Variants in ADAT2 observed in about 807,000 individuals in gnomAD.
ADAT2 encodes the protein adenosine deaminase tRNA specific 2, also known as tRNA-specific adenosine-34 deaminase catalytic subunit ADAT2.
In ADAT2, 26 loss-of-function variants were observed where a neutral mutation model predicts 25.9. The ratio of observed to expected loss-of-function variants is 1.00; its 90% CI spans 0.74 to 1.39. The LOEUF (loss-of-function observed/expected upper bound fraction) is 1.39, where lower values mean the gene tolerates loss of function less well. Among genes scored for constraint, ADAT2 ranks in the 40% most tolerant of loss-of-function variants. The probability of loss-of-function intolerance (pLI) is 0.00; values close to 1 mark genes in which losing one functional copy is unlikely to be tolerated. For synonymous variants in ADAT2, 76 were observed against 86.8 expected, an observed-to-expected ratio of 0.88 and a Z score of 0.69; for missense variants, 220 against 244.8, an observed-to-expected ratio of 0.90 and a Z score of 0.68.
At position 143,433,862 on chromosome 6, in the gene ADAT2, G is replaced by T; in HGVS notation, c.321C>A (p.Cys107Ter). The T allele has an allele frequency of 6.2e-7, 1 of 1,614,040 alleles. No homozygotes were observed. Among genetic ancestry groups the T allele is most frequent in the Non-Finnish European group, 8.5e-7 (1 of 1,180,004 alleles). ...GGCGGAGAGCAGCTGCACACATAAT[G>T]CACGGCTCCACAGTGACATACAACA... is the stretch of plus-strand genomic sequence containing the variant. ...HTVLYVTVEP[C>*]IMCAAALRLM... The change falls in exon 3 of 6, where the codon TGC becomes TGA. Residue 107 changes from cysteine (C) to a stop codon, truncating the protein, a stop_gained. Coordinates refer to ENST00000237283, the MANE Select transcript of ADAT2 (RefSeq NM_182503.3). LOFTEE classifies it high-confidence loss of function.
chr6:143,431,481 A>T (rs181002822), intron 4 of ADAT2, among the ~76,000 whole-genome samples: 1 of 152,376 alleles, frequency 6.6e-6, no homozygotes, highest in East Asian at 1.9e-4. Flanking sequence ...GGAAAAATCA[A>T]ATCACTTTCT....
chr6:143,427,938 A>C lies in ADAT2; in HGVS notation c.*525T>G, dbSNP rs1215895753. 1 of 152,588 alleles carries C rather than the reference A, an allele frequency of 6.6e-6. No individual in the cohort carries two copies. Among genetic ancestry groups the C allele is most frequent in the South Asian group, 2.1e-4 (1 of 4,836 alleles). 9.5% of individuals were successfully genotyped at this position (152,588 alleles called of 1,614,324 possible). The stretch of plus-strand genomic sequence containing the variant: ...CTTTATAAAAGCAAAGTCTTTTCTA[A>C]GGACCATATAATTATGGTCTCTATA... On this transcript the variant is annotated 3_prime_UTR_variant, in exon 6 of 6. Transcript: ENST00000237283.
Position 143,427,774 on chromosome 6 carries a change from T to C in ADAT2, c.*689A>G, listed in dbSNP as rs981130905. On this transcript the variant is annotated 3_prime_UTR_variant, in exon 6 of 6. Coordinates refer to ENST00000237283, the MANE Select transcript of ADAT2 (RefSeq NM_182503.3). ...AATTTGGTTTTTTGCTCAATAACAA[T>C]TGTCCCATTTATGTCTTTATCTTTT... 7.2e-5 allele frequency: 11 copies of C among 152,200 alleles called. No homozygotes were observed. Among genetic ancestry groups the C allele is most frequent in the Admixed American group, 6.5e-4 (10 of 15,274 alleles). 9.4% of individuals were successfully genotyped at this position (152,200 alleles called of 1,614,324 possible).
rs1323979049 is a variant in ADAT2, at chr6:143,427,567, T to A, written c.*896A>T. 6.6e-6 allele frequency: 1 copy of A among 152,258 alleles called. No individual in the cohort carries two copies. Among genetic ancestry groups the A allele is most frequent in the Non-Finnish European group, 1.5e-5 (1 of 68,040 alleles). 9.4% of individuals were successfully genotyped at this position (152,258 alleles called of 1,614,324 possible). Reference sequence around the variant, plus strand: ...ATGGATTATAAAAGAAATAACCATTTGTTTCAGATTAAATTGATCATTCTA... The same window carrying A: ...ATGGATTATAAAAGAAATAACCATTAGTTTCAGATTAAATTGATCATTCTA... On this transcript the variant is annotated 3_prime_UTR_variant, in exon 6 of 6. Transcript: ENST00000237283.
intron 3 of ADAT2, 31 bp downstream of exon 3, chr6:143,433,800 C>T (rs377428375): frequency 1.7e-5 from 27 of 1,607,534 alleles, no homozygotes; most frequent in South Asian, 7.7e-5. Context: ...ACGAATGGTA[C>T]GATACATTAA....
chr6:143,445,728 G>C (rs577968817), intron 1 of ADAT2, among the ~76,000 whole-genome samples: 17 of 152,198 alleles, frequency 1.1e-4, no homozygotes, highest in South Asian at 4.1e-4. Flanking sequence ...GCAAGCACTA[G>C]ATCCAGGCAC....
intron 1 of ADAT2, among the ~76,000 whole-genome samples, chr6:143,443,072 T>C (rs932174262): frequency 6.6e-6 from 1 of 152,206 alleles, no homozygotes; most frequent in East Asian, 1.9e-4. Flanking sequence ...AAGCATTTTA[T>C]AAGTATTAAT....
In ADAT2 at chr6:143,436,419, GA is replaced by G; in HGVS notation, c.201+2170del. 3.7e-6 allele frequency: 1 copy of G among 273,710 alleles called. No individual in the cohort carries two copies. Among genetic ancestry groups the G allele is most frequent in the South Asian group, 4.3e-5 (1 of 23,068 alleles). The allele number at this position is 273,710 out of a possible 1,614,324, so 17.0% of individuals were successfully genotyped here. On this transcript the variant is annotated intron_variant, in intron 2 of 5. Transcript: ENST00000237283. The surrounding 1 kb of genome is among the most constrained non-coding windows in gnomAD (Gnocchi z 4.1). ...TTGCTGACTGGATCCCCTACAATGG[GA>G]AAACAGCTTTCTGGGACATCCCATC...
intron 1 of ADAT2, chr6:143,449,820 T>C (rs1361898500): frequency 6.6e-6 from 1 of 152,240 alleles, no homozygotes; most frequent in Non-Finnish European, 1.5e-5. Flanking sequence ...TCTACCTCCA[T>C]ACCACCCTGA....
At position 143,442,764 on chromosome 6, in the gene ADAT2, G is replaced by A. The variant is rs531039221; in HGVS notation, c.97-4070C>T. On this transcript the variant is annotated intron_variant, in intron 1 of 5. Coordinates refer to ENST00000237283, the MANE Select transcript of ADAT2 (RefSeq NM_182503.3). The surrounding 1 kb of genome is among the most constrained non-coding windows in gnomAD (Gnocchi z 4.6). ...TAAAAAGAGATGTTTAGTGAGTTTA[G>A]AGAAATATTTGGTGTTACGGACAAT... Among the ~76,000 whole-genome samples, 1 of 152,334 alleles carries A rather than the reference G, an allele frequency of 6.6e-6. No homozygotes were observed. The highest frequency in any genetic ancestry group is 1.9e-4 in the East Asian group (1 of 5,190).
rs763632407 is a variant in ADAT2 at position 143,433,884 on chromosome 6, AAC to A, written c.297_298del (p.Leu100ValfsTer29). On this transcript the variant is annotated frameshift_variant, in exon 3 of 6. Coordinates refer to ENST00000237283, the MANE Select transcript of ADAT2 (RefSeq NM_182503.3). LOFTEE classifies it high-confidence loss of function. ...AATGCACGGCTCCACAGTGACATAC[AAC>A]ACAGTGTGTTCAAATACTTCAGAGG... 36 of 1,614,030 alleles carry A rather than the reference AAC, an allele frequency of 2.2e-5. No homozygotes were observed. The highest frequency in any genetic ancestry group is 3.1e-5 in the Non-Finnish European group (36 of 1,180,022).
At position 143,428,694 on chromosome 6, in the gene ADAT2, T is replaced by G; in HGVS notation, c.460-10A>C. 4 of 1,613,012 alleles carry G rather than the reference T, an allele frequency of 2.5e-6. No homozygotes were observed. Among genetic ancestry groups the G allele is most frequent in the Non-Finnish European group, 2.5e-6 (3 of 1,179,324 alleles). On this transcript the variant is annotated splice_polypyrimidine_tract_variant and intron_variant, in intron 4 of 5. Transcript: ENST00000237283. The surrounding 1 kb of genome is among the most constrained non-coding windows in gnomAD (Gnocchi z 5.0). ...GATATCCAGGGATACACTGATGGAATGAGAAAGTTGAGAATAAACATAGGC... is the reference window on the plus strand; with the variant it reads ...GATATCCAGGGATACACTGATGGAAGGAGAAAGTTGAGAATAAACATAGGC...
rs1304320886 is a variant in ADAT2, at chr6:143,425,355, A to G, written c.*3108T>C. On this transcript the variant is annotated 3_prime_UTR_variant, in exon 6 of 6. Transcript: ENST00000237283. The stretch of plus-strand genomic sequence containing the variant: ...CATAGTGAGACCTTGTCTCTACAAA[A>G]AAAAAAAAAAAAAAAAATTAGGTGT... 2 of 155,568 alleles carry G rather than the reference A, an allele frequency of 1.3e-5. No homozygotes were observed. The highest frequency in any genetic ancestry group is 2.4e-5 in the African/African-American group (1 of 40,970). 9.6% of individuals were successfully genotyped at this position (155,568 alleles called of 1,614,324 possible). A position where few individuals can be genotyped will look rare whatever the true frequency, so the allele number is the denominator to read the frequency against.
Position 143,425,447 on chromosome 6 carries a change from G to A in ADAT2, c.*3016C>T, listed in dbSNP as rs1196150612. ...GAGGAAGGATTGCTTGAGCCAGGTT[G>A]AGGCTGCAGTGAGCTGTGATCATGC... is the stretch of plus-strand genomic sequence containing the variant. On this transcript the variant is annotated 3_prime_UTR_variant, in exon 6 of 6. Transcript: ENST00000237283. 6.6e-6 allele frequency: 1 copy of A among 150,914 alleles called. No homozygotes were observed. Among genetic ancestry groups the A allele is most frequent in the African/African-American group, 2.5e-5 (1 of 40,726 alleles). 9.3% of individuals were successfully genotyped at this position (150,914 alleles called of 1,614,324 possible). A position where few individuals can be genotyped will look rare whatever the true frequency, so the allele number is the denominator to read the frequency against.
Position 143,432,481 on chromosome 6 carries a change from A to G in ADAT2, c.459+24T>C. 6.3e-7 allele frequency: 1 copy of G among 1,595,918 alleles called. No individual in the cohort carries two copies. The highest frequency in any genetic ancestry group is 8.6e-7 in the Non-Finnish European group (1 of 1,163,470). ...AGATGAAAATAATTAGCAAGAAAGA[A>G]AAAGCATAAGCAGTTTGTATTACCT... On this transcript the variant is annotated intron_variant, in intron 4 of 5. Coordinates refer to ENST00000237283, the MANE Select transcript of ADAT2 (RefSeq NM_182503.3). The surrounding 1 kb of genome is among the most constrained non-coding windows in gnomAD (Gnocchi z 4.4).
chr6:143,443,674 T>C (rs1002421850), intron 1 of ADAT2, among the ~76,000 whole-genome samples: 5 of 151,686 alleles, frequency 3.3e-5, no homozygotes, highest in Non-Finnish European at 4.4e-5. Flanking sequence ...CTACTAAAAA[T>C]ACAAAAATTA....
intron 1 of ADAT2, 64 bp downstream of exon 1, chr6:143,450,499 C>T: frequency 1.3e-6 from 2 of 1,544,302 alleles, no homozygotes; most frequent in African/African-American, 1.4e-5. Context: ...GCTCAAATGC[C>T]GGGGTCGGGT....
chr6:143,433,948 G>C lies in ADAT2; in HGVS notation c.235C>G (p.Gln79Glu), dbSNP rs376739985. 5.9e-5 allele frequency: 95 copies of C among 1,614,026 alleles called. No homozygotes were observed. The highest frequency in any genetic ancestry group is 5.3e-5 in the Non-Finnish European group (62 of 1,180,028). The change falls in exon 3 of 6, where the codon CAG becomes GAG. Residue 79 changes from glutamine to glutamate, a missense_variant. By Grantham distance (29) the Gln-to-Glu change is conservative. Transcript: ENST00000237283. ...CTTTGACGACACCAATCGAGGACCTGATCGATGGCCACCATTTCTGCATGT... is the reference window on the plus strand; with the variant it reads ...CTTTGACGACACCAATCGAGGACCTCATCGATGGCCACCATTTCTGCATGT... Reference protein sequence around the residue: ...TRHAEMVAIDQVLDWCRQSGK... With the variant: ...TRHAEMVAIDEVLDWCRQSGK...
chr6:143,445,958 C>T (rs1017662586), intron 1 of ADAT2, among the ~76,000 whole-genome samples: 4 of 151,700 alleles, frequency 2.6e-5, no homozygotes, highest in Non-Finnish European at 5.9e-5. Context: ...AGAAAACTTG[C>T]AACATTTTTT....
Sources: gnomAD v4.1 joint callset for allele counts (sites outside exome capture counted in the v4.1 genomes callset) on GRCh38, gnomAD v4.1.1 for gene constraint, Gnocchi (gnomAD v3.1) non-coding constraint, MANE v1.5 for transcripts, NCBI Gene and HGNC (gene_info 2026-07-23, HGNC 2026-07-21) for gene names.